The following POF1B variants were observed in gnomAD, a reference collection of about 807,000 sequenced individuals.
POF1B encodes POF1B actin binding protein, also known as protein POF1B.
POF1B carries 53 observed loss-of-function variants against 55.3 expected under a neutral mutation model. The ratio of observed to expected loss-of-function variants is 0.96; its 90% confidence interval spans 0.77 to 1.20. The LOEUF (loss-of-function observed/expected upper bound fraction) is 1.20. Ranked by LOEUF, POF1B falls within the 50% of genes most tolerant of loss-of-function variation. The pLI is 0.00. For missense variants in POF1B, 478 were observed against 420.5 expected (o/e 1.14, Z -1.20); for synonymous variants, 188 against 148.3 (o/e 1.27, Z -1.95).
intron 7 of POF1B, among the ~76,000 whole-genome samples, chrX:85,318,186 A>G (rs1932804311): frequency 8.9e-6 from 1 of 111,798 alleles, no homozygotes; most frequent in Non-Finnish European, 1.9e-5. Context: ...AAGTTTACCT[A>G]TGTAACAAGC....
At chrX:85,311,540 C>T (rs1330165324) in intron 9 of POF1B, among the ~76,000 whole-genome samples, 1 of 111,811 alleles carries the variant, frequency 8.9e-6, no homozygotes, top group Non-Finnish European at 1.9e-5. Flanking sequence ...TTTTTAATGG[C>T]TGCATAGTAT....
intron 2 of POF1B, among the ~76,000 whole-genome samples, chrX:85,370,125 A>G (rs1477534138): frequency 8.9e-6 from 1 of 112,440 alleles, no homozygotes; most frequent in Non-Finnish European, 1.9e-5. Context: ...TTAAACAAAT[A>G]GGAATACACA....
At chrX:85,279,895 G>A (rs1230747677) in intron 16 of POF1B, among the ~76,000 whole-genome samples, 2 of 110,866 alleles carry the variant, frequency 1.8e-5, no homozygotes, top group South Asian at 3.7e-4. Context: ...CCACCTCTGG[G>A]ATACATGTGG....
intron 2 of POF1B, among the ~76,000 whole-genome samples, chrX:85,373,665 A>G (rs773762495): frequency 2.8e-4 from 31 of 111,837 alleles, no homozygotes; most frequent in African/African-American, 7.8e-4. Flanking sequence ...TAGGGCATAA[A>G]CACTATGAGT....
intron 2 of POF1B, among the ~76,000 whole-genome samples, chrX:85,371,150 C>T (rs968300746): frequency 9.0e-6 from 1 of 111,404 alleles, no homozygotes; most frequent in African/African-American, 3.3e-5. Context: ...AACTCATGTT[C>T]TCTCTCTGAG....
At chrX:85,371,091 C>G (rs181280834) in intron 2 of POF1B, among the ~76,000 whole-genome samples, 1 of 111,242 alleles carries the variant, frequency 9.0e-6, no homozygotes, top group African/African-American at 3.3e-5. Flanking sequence ...GTCAGCAGAC[C>G]TGGATTTTAT....
At chrX:85,328,683 C>T (rs1932929549) in intron 7 of POF1B, among the ~76,000 whole-genome samples, 1 of 110,720 alleles carries the variant, frequency 9.0e-6, no homozygotes, top group Non-Finnish European at 1.9e-5. Flanking sequence ...GCTGAGCCCT[C>T]CCCACAGAAT....
At chrX:85,289,205 G>A (rs1932125952) in intron 15 of POF1B, among the ~76,000 whole-genome samples, 1 of 111,463 alleles carries the variant, frequency 9.0e-6, no homozygotes, top group Admixed American at 9.5e-5. Context: ...CAGAAAGTGG[G>A]GGAAGAAATG....
At chrX:85,339,219 G>A (rs983780571) in intron 6 of POF1B, among the ~76,000 whole-genome samples, 5 of 110,362 alleles carry the variant, frequency 4.5e-5, no homozygotes, top group African/African-American at 6.6e-5. Flanking sequence ...GAGCTTGTGC[G>A]GGGAAACTCC....
In POF1B at chrX:85,282,242, C is replaced by G; in HGVS notation, c.1725G>C (p.Gln575His). The G allele has an allele frequency of 8.4e-7, 1 of 1,190,745 alleles. No individual in the cohort carries two copies. Among genetic ancestry groups the G allele is most frequent in the South Asian group, 1.8e-5 (1 of 54,561 alleles). The change falls in exon 16 of 17, where the codon CAG (glutamine) becomes CAC (histidine). Residue 575 changes from glutamine to histidine, a missense_variant. Coordinates refer to ENST00000262753, the MANE Select transcript of POF1B (RefSeq NM_024921.4). ...CTTCTGTTTTCTCAATCACAATAGT[C>G]TGTGTTTCACTACCTGGTGGTATAT... ...YEYIPPGSET[Q>H]TIVIEKTEDK... is the part of the protein sequence containing the mutation.
rs998014149 is a variant in POF1B at position 85,371,684 on chromosome X, A to T, written c.283-3918T>A. Among the ~76,000 whole-genome samples, 11 of 111,698 alleles carry T rather than the reference A, an allele frequency of 9.8e-5. 1 individual carries two copies. Among genetic ancestry groups the T allele is most frequent in the African/African-American group, 3.3e-4 (10 of 30,736 alleles). On this transcript the variant is annotated intron_variant, in intron 2 of 16. Transcript: ENST00000262753. ...GACTAGTCCTTATAACAGAAGGTCA[A>T]ATACTGGGACTTTTAAAATTATTCA... is the stretch of plus-strand genomic sequence containing the variant.
intron 5 of POF1B, among the ~76,000 whole-genome samples, chrX:85,346,474 C>A (rs759559833): frequency 1.8e-5 from 2 of 109,865 alleles, no homozygotes; most frequent in African/African-American, 3.3e-5. Context: ...TGTCAGGAAG[C>A]ATATTAGAAT....
intron 15 of POF1B, among the ~76,000 whole-genome samples, chrX:85,302,199 T>C (rs1168720987): frequency 9.0e-6 from 1 of 111,439 alleles, no homozygotes; most frequent in African/African-American, 3.3e-5. Context: ...GCAAATCTTG[T>C]CTCTGATAAG....
At chrX:85,346,477 A>G (rs1427816718) in intron 5 of POF1B, among the ~76,000 whole-genome samples, 1 of 110,450 alleles carries the variant, frequency 9.1e-6, no homozygotes, top group Non-Finnish European at 1.9e-5. Flanking sequence ...CAGGAAGCAT[A>G]TTAGAATCAC....
intron 4 of POF1B, among the ~76,000 whole-genome samples, chrX:85,353,430 C>T (rs1207042524): frequency 6.3e-5 from 7 of 110,510 alleles, no homozygotes. Flanking sequence ...AAAAACAGTA[C>T]TGTTCAAAGA....
chrX:85,299,197 T>C (rs1243127456), intron 15 of POF1B, among the ~76,000 whole-genome samples: 1 of 104,296 alleles, frequency 9.6e-6, no homozygotes, highest in Non-Finnish European at 2.0e-5. Flanking sequence ...TTTTCTTTTT[T>C]TTTTTTTTTT....
In POF1B at chrX:85,314,502, T is replaced by G. The variant is rs363751; in HGVS notation, c.887A>C (p.Glu296Ala). 5.9e-6 allele frequency: 7 copies of G among 1,182,773 alleles called. No homozygotes were observed. In the East Asian group the frequency reaches 2.2e-4, roughly 36 times the overall value. The change falls in exon 9 of 17, where the codon GAA (glutamate) becomes GCA (alanine). Residue 296 changes from glutamate (E) to alanine (A), a missense_variant. Transcript: ENST00000262753. Reference protein sequence around the residue: ...KQDFESTDESEDIESLIPKGL... With the variant: ...KQDFESTDESADIESLIPKGL... ...TTTAGGAATCAATGATTCAATGTCT[T>G]CCGACTGTAAGAAAAAAAGGCTTAT... is the stretch of plus-strand genomic sequence containing the variant.
chrX:85,280,651 A>G (rs1161054661), intron 16 of POF1B, among the ~76,000 whole-genome samples: 1 of 111,121 alleles, frequency 9.0e-6, no homozygotes, highest in African/African-American at 3.3e-5. Context: ...AGATAATTTT[A>G]TCATAAGAAG....
At chrX:85,315,910 A>G (rs1431956505) in intron 7 of POF1B, among the ~76,000 whole-genome samples, 176 bp from the exon 8 acceptor site, 1 of 111,641 alleles carries the variant, frequency 9.0e-6, no homozygotes, top group East Asian at 2.8e-4. Context: ...TAGTTTGACT[A>G]AATTTTTTTT....
Sources: allele counts gnomAD v4.1 joint callset (sites outside exome capture counted in the v4.1 genomes callset), GRCh38; gene constraint gnomAD v4.1.1; transcripts MANE v1.5; gene names NCBI Gene and HGNC (gene_info 2026-07-23, HGNC 2026-07-21).